The following CYP4Z1 variants were observed in gnomAD, a reference collection of about 807,000 sequenced individuals.
CYP4Z1 encodes the protein cytochrome P450 4Z1.
CYP4Z1 carries 41 observed loss-of-function variants against 54.2 expected under a neutral mutation model. The observed-to-expected ratio is 0.76, with a 90% CI of 0.59 to 0.98. The LOEUF (loss-of-function observed/expected upper bound fraction) is 0.98, where lower values mean the gene tolerates loss of function less well. Among genes scored for constraint, CYP4Z1 ranks in the 50% least tolerant of loss-of-function variants. The pLI is 0.00. For synonymous variants in CYP4Z1, 163 were observed against 206.2 expected (o/e 0.79, Z 1.79); for missense variants, 513 against 599.0 (o/e 0.86, Z 1.50).
At chr1:47,109,815 G>A (rs1644780370) in intron 9 of CYP4Z1, among the ~76,000 whole-genome samples, 2 of 150,350 alleles carry the variant, frequency 1.3e-5, no homozygotes, top group South Asian at 4.2e-4. Flanking sequence ...TTTTTCCAGG[G>A]AATCTTCACT....
At chr1:47,109,340 T>A (rs1644777408) in intron 9 of CYP4Z1, among the ~76,000 whole-genome samples, 2 of 152,110 alleles carry the variant, frequency 1.3e-5, no homozygotes, top group African/African-American at 4.8e-5. Flanking sequence ...CAGAAAGACT[T>A]GCAGAGAGTA....
intron 9 of CYP4Z1, among the ~76,000 whole-genome samples, chr1:47,114,121 G>C (rs1435932417): frequency 6.6e-6 from 1 of 152,138 alleles, no homozygotes; most frequent in African/African-American, 2.4e-5. Context: ...GAACAGAACA[G>C]AGCCCTCAGA....
rs1459647123 is a variant in CYP4Z1, at chr1:47,118,313, C to G, written c.*379C>G. ...TATCTTTCCCCATAATAAAAAATAT[C>G]TGCCACCTTCTGAGTCCCATAGTCT... On this transcript the variant is annotated 3_prime_UTR_variant, in exon 12 of 12. Coordinates refer to ENST00000334194, the MANE Select transcript of CYP4Z1 (RefSeq NM_178134.3). The G allele has an allele frequency of 6.0e-6, 1 of 167,006 alleles. No individual in the cohort carries two copies. The highest frequency in any genetic ancestry group is 2.4e-5 in the African/African-American group (1 of 41,760). 10.3% of individuals were successfully genotyped at this position (167,006 alleles called of 1,614,324 possible).
rs1304412254 is a variant in CYP4Z1, at chr1:47,094,974, A to G, written c.876+305A>G. Among the ~76,000 whole-genome samples, 4 of 152,154 alleles carry G rather than the reference A, an allele frequency of 2.6e-5. No individual in the cohort carries two copies. In the East Asian group the frequency reaches 5.8e-4, roughly 22 times the overall value. On this transcript the variant is annotated intron_variant, in intron 7 of 11. Transcript: ENST00000334194. ...TGACTCTGTCTCAAAAAATAAATAAATAAGTAAAATTAAAATAACAAATAA... is the reference window on the plus strand; with the variant it reads ...TGACTCTGTCTCAAAAAATAAATAAGTAAGTAAAATTAAAATAACAAATAA...
intron 6 of CYP4Z1, among the ~76,000 whole-genome samples, chr1:47,085,924 A>G (rs965752165): frequency 1.4e-5 from 2 of 138,994 alleles, no homozygotes; most frequent in Admixed American, 1.7e-4. Context: ...ATTCCCACCT[A>G]TGAGTGAGAA....
chr1:47,085,271 A>G (rs540528719), intron 6 of CYP4Z1, among the ~76,000 whole-genome samples: 5 of 152,096 alleles, frequency 3.3e-5, no homozygotes, highest in African/African-American at 7.2e-5. Context: ...GAAGAAAAGT[A>G]AAAGTGAAAG....
intron 9 of CYP4Z1, among the ~76,000 whole-genome samples, chr1:47,113,619 T>C (rs142778678): frequency 1.2e-3 from 185 of 152,176 alleles, no homozygotes; most frequent in South Asian, 1.7e-3. Flanking sequence ...TCGTATTTTA[T>C]TGAGGATCAC....
Position 47,099,220 on chromosome 1 carries a change from G to A in CYP4Z1, c.1003G>A (p.Glu335Lys), listed in dbSNP as rs1370207758. 4.3e-6 allele frequency: 7 copies of A among 1,613,860 alleles called. No individual in the cohort carries two copies. The South Asian group carries it at 4.4e-5, about 10-fold the overall frequency. Reference sequence around the variant, plus strand: ...CCTTTACTGCTTGGCAAAGTACCCTGAGCATCAGCAGAGATGCCGAGATGA... The same window carrying A: ...CCTTTACTGCTTGGCAAAGTACCCTAAGCATCAGCAGAGATGCCGAGATGA... ...WILYCLAKYP[E>K]HQQRCRDEIR... is the part of the protein sequence containing the mutation. Residue 335 changes from glutamate to lysine, a missense_variant, in exon 8 of 12, where the codon GAG (glutamate) becomes AAG (lysine). Transcript: ENST00000334194.
chr1:47,060,435 TTAAAC>T, the CYP4Z1 span, among the ~76,000 whole-genome samples: 123 of 147,210 alleles, frequency 8.4e-4, no homozygotes, highest in Middle Eastern at 3.4e-3. Flanking sequence ...AAAACAGACT[TTAAAC>T]TAACAAAGAT....
intron 10 of CYP4Z1, among the ~76,000 whole-genome samples, chr1:47,116,370 C>G (rs1307991378): frequency 3.3e-5 from 5 of 152,176 alleles, no homozygotes; most frequent in Non-Finnish European, 7.3e-5. Context: ...ACTATTTGCT[C>G]AAGTCAGATT....
At chr1:47,088,474 T>C (rs1644614032) in intron 6 of CYP4Z1, among the ~76,000 whole-genome samples, 1 of 152,224 alleles carries the variant, frequency 6.6e-6, no homozygotes, top group Non-Finnish European at 1.5e-5. Flanking sequence ...TTTACTAGTT[T>C]ATTTGCTTAG....
chr1:47,085,124 G>C (rs1290588160), intron 6 of CYP4Z1, 146 bp downstream of exon 6: 3 of 654,532 alleles, frequency 4.6e-6, no homozygotes, highest in Non-Finnish European at 7.8e-6. Context: ...AAATGAATGT[G>C]CTACATAAAT....
At chr1:47,115,408 T>G (rs1381689923) in intron 9 of CYP4Z1, 121 bp from the exon 10 acceptor site, 1 of 834,572 alleles carries the variant, frequency 1.2e-6, no homozygotes, top group Non-Finnish European at 1.9e-6. Context: ...TAACAAACCT[T>G]CATGTTGTGC....
At chr1:47,089,184 C>CA (rs1644619922) in intron 6 of CYP4Z1, among the ~76,000 whole-genome samples, 1 of 151,772 alleles carries the variant, frequency 6.6e-6, no homozygotes, top group Non-Finnish European at 1.5e-5. Context: ...GAAATTACAA[C>CA]ATGTAGTCTT....
chr1:47,068,500 G>C, intron 1 of CYP4Z1, 122 bp from the exon 2 acceptor site: 2 of 1,295,974 alleles, frequency 1.5e-6, no homozygotes, highest in Non-Finnish European at 2.1e-6. Flanking sequence ...TTCAACAGAT[G>C]TGAACCTGTC....
chr1:47,065,273 T>C (rs1644443729), upstream of CYP4Z1, among the ~76,000 whole-genome samples: 1 of 152,106 alleles, frequency 6.6e-6, no homozygotes, highest in Non-Finnish European at 1.5e-5. Context: ...ATAAACCATA[T>C]GATAGGCCAC....
At chr1:47,092,267 C>T (rs1644644041) in intron 6 of CYP4Z1, among the ~76,000 whole-genome samples, 1 of 151,994 alleles carries the variant, frequency 6.6e-6, no homozygotes, top group South Asian at 2.1e-4. Flanking sequence ...GTTGTTGCTA[C>T]CGTCTCTCTC....
At chr1:47,066,848 G>A (rs1397219823), upstream of CYP4Z1, among the ~76,000 whole-genome samples, 1 of 151,272 alleles carries the variant, frequency 6.6e-6, no homozygotes, top group Non-Finnish European at 1.5e-5. Flanking sequence ...CAGCAACCAA[G>A]CTGAGAATCA....
intron 8 of CYP4Z1, among the ~76,000 whole-genome samples, chr1:47,100,628 A>G (rs1353398631): frequency 2.0e-5 from 3 of 152,220 alleles, no homozygotes; most frequent in Non-Finnish European, 1.5e-5. Context: ...TAACGGCCTC[A>G]AAGCACAAAA....
Sources: allele counts gnomAD v4.1 joint callset (sites outside exome capture counted in the v4.1 genomes callset), GRCh38; gene constraint gnomAD v4.1.1; transcripts MANE v1.5; gene names NCBI Gene and HGNC (gene_info 2026-07-23, HGNC 2026-07-21).